Variants in RYR2 observed in about 807,000 individuals in gnomAD.
The protein encoded by RYR2 is ryanodine receptor 2, also known as cardiac muscle ryanodine receptor-calcium release channel.
In RYR2, 227 loss-of-function variants were observed where a neutral mutation model predicts 601.1. The ratio of observed to expected loss-of-function variants is 0.38; its 90% CI spans 0.34 to 0.42. RYR2 has a LOEUF of 0.42. Ranked by LOEUF, RYR2 falls within the 10% of genes least tolerant of loss-of-function variation. RYR2 has a pLI of 1.00. For missense variants in RYR2, 4,646 were observed against 6,156.5 expected, an observed-to-expected ratio of 0.75 and a Z score of 8.21; for synonymous variants, 2,223 against 2,175.1, an observed-to-expected ratio of 1.02 and a Z score of -0.61.
chr1:237,355,823 A>G, intron 3 of RYR2, 142 bp from the exon 4 acceptor site: 1 of 692,782 alleles, frequency 1.4e-6, no homozygotes, highest in South Asian at 1.8e-5. Flanking sequence ...GAAAAACTTG[A>G]ATACAATTTT....
chr1:237,509,848 C>T (rs751342184), intron 23 of RYR2, among the ~76,000 whole-genome samples: 11 of 152,078 alleles, frequency 7.2e-5, no homozygotes, highest in Non-Finnish European at 1.5e-4. Flanking sequence ...AAAGCATGAC[C>T]GTGTAGTAGG....
intron 78 of RYR2, 81 bp from the exon 79 acceptor site, chr1:237,733,624 G>A: frequency 2.3e-6 from 2 of 878,458 alleles, no homozygotes; most frequent in Non-Finnish European, 3.8e-6. Context: ...AAGAACAAAG[G>A]TTATTTTAAG....
intron 2 of RYR2, among the ~76,000 whole-genome samples, chr1:237,274,591 G>T (rs1413497946): frequency 5.9e-5 from 9 of 151,994 alleles, no homozygotes; most frequent in South Asian, 4.2e-4. Context: ...ATTGAACAAA[G>T]AAAATTTTAA....
chr1:237,645,766 C>T (rs749930217), intron 48 of RYR2, among the ~76,000 whole-genome samples: 8 of 151,866 alleles, frequency 5.3e-5, no homozygotes, highest in Non-Finnish European at 1.0e-4. Flanking sequence ...TTGTCTACAT[C>T]GGGAGTCACA....
At chr1:237,422,968 T>C (rs1370568928) in intron 11 of RYR2, 124 bp from the exon 12 acceptor site, 2 of 1,086,698 alleles carry the variant, frequency 1.8e-6, no homozygotes, top group African/African-American at 3.2e-5. Flanking sequence ...ATCACTAATA[T>C]CCTAAGTTTT....
At chr1:237,726,422 T>C (rs1690202737) in intron 75 of RYR2, 114 bp downstream of exon 75, 2 of 690,724 alleles carry the variant, frequency 2.9e-6, no homozygotes, top group East Asian at 5.6e-5. Flanking sequence ...CCAAACACTA[T>C]TAGTTATATA....
At chr1:237,633,223 A>G (rs1216969905) in intron 42 of RYR2, among the ~76,000 whole-genome samples, 1 of 152,214 alleles carries the variant, frequency 6.6e-6, no homozygotes, top group Non-Finnish European at 1.5e-5. Context: ...ATTATTATCC[A>G]TATTATTCTA....
chr1:237,342,561 A>G lies in RYR2; in HGVS notation c.273+11579A>G, dbSNP rs16835157. The stretch of plus-strand genomic sequence containing the variant: ...AAGGGCAAAGACCAGCAGGATCTAC[A>G]TAACTTGAGGATTACAGAGACCAGA... On this transcript the variant is annotated intron_variant, in intron 3 of 104. Transcript: ENST00000366574. 2.5e-3 allele frequency among the ~76,000 whole-genome samples: 386 copies of G among 152,266 alleles called. 4 individuals are homozygous for G. Among genetic ancestry groups the G allele is most frequent in the African/African-American group, 8.7e-3 (360 of 41,554 alleles).
At chr1:237,715,754 G>A (rs996374889) in intron 71 of RYR2, among the ~76,000 whole-genome samples, 4 of 151,984 alleles carry the variant, frequency 2.6e-5, no homozygotes, top group Admixed American at 6.6e-5. Context: ...TGGGGATGTC[G>A]CTTTGCTGAA....
At chr1:237,452,255 T>C (rs1331113466) in intron 14 of RYR2, among the ~76,000 whole-genome samples, 3 of 142,404 alleles carry the variant, frequency 2.1e-5, no homozygotes, top group Non-Finnish European at 4.5e-5. Context: ...ATGTATAGTA[T>C]AGTATATGTT....
intron 25 of RYR2, among the ~76,000 whole-genome samples, chr1:237,546,332 A>G (rs1032761562): frequency 1.3e-5 from 2 of 152,202 alleles, no homozygotes; most frequent in Non-Finnish European, 2.9e-5. Context: ...GCTTTTGTCT[A>G]CAGAAAAATT....
chr1:237,798,498 G>A (rs1659549434), intron 97 of RYR2, among the ~76,000 whole-genome samples: 1 of 151,990 alleles, frequency 6.6e-6, no homozygotes, highest in African/African-American at 2.4e-5. Flanking sequence ...ATATATGGCT[G>A]TTTTCTGGTA....
rs146301577 is a variant in RYR2 at position 237,333,298 on chromosome 1, G to A, written c.273+2316G>A. Among the ~76,000 whole-genome samples, 866 of 152,250 alleles carry A rather than the reference G, an allele frequency of 5.7e-3. 11 individuals are homozygous for A. The highest frequency in any genetic ancestry group is 0.02 in the African/African-American group (810 of 41,538). On this transcript the variant is annotated intron_variant, in intron 3 of 104. Transcript: ENST00000366574. ...ATGTCAAATAGCTCAACGGGGTACC[G>A]TATATTAGGGAAAAATGAAAGTTTC...
intron 63 of RYR2, among the ~76,000 whole-genome samples, chr1:237,692,834 C>T (rs1415199777): frequency 1.3e-5 from 2 of 152,136 alleles, no homozygotes; most frequent in African/African-American, 2.4e-5. Context: ...TCTCTGGTGC[C>T]GTGTACTTTT....
At chr1:237,502,034 T>C (rs1300343313) in intron 21 of RYR2, among the ~76,000 whole-genome samples, 1 of 152,136 alleles carries the variant, frequency 6.6e-6, no homozygotes, top group African/African-American at 2.4e-5. Context: ...TTTGTATGCC[T>C]GTAGTCTTAG....
chr1:237,722,869 G>A (rs1689865194), intron 73 of RYR2, among the ~76,000 whole-genome samples: 1 of 147,236 alleles, frequency 6.8e-6, no homozygotes. Context: ...CCTTTTGCCT[G>A]TATGTGCTAA....
At chr1:237,443,085 C>T (rs1183858986) in intron 13 of RYR2, among the ~76,000 whole-genome samples, 1 of 152,094 alleles carries the variant, frequency 6.6e-6, no homozygotes, top group Non-Finnish European at 1.5e-5. Flanking sequence ...AGTGTTCTCC[C>T]TGACCTTTTC....
chr1:237,690,129 G>A (rs1686810818), intron 63 of RYR2, among the ~76,000 whole-genome samples: 2 of 152,148 alleles, frequency 1.3e-5, no homozygotes, highest in Non-Finnish European at 2.9e-5. Context: ...GAGCCACCGT[G>A]CCTGGCCAAA....
intron 1 of RYR2, among the ~76,000 whole-genome samples, chr1:237,201,270 T>C (rs920247727): frequency 2.6e-5 from 4 of 152,220 alleles, no homozygotes; most frequent in Non-Finnish European, 5.9e-5. Flanking sequence ...TAGTGTCACA[T>C]TGAGGTCCTG....
Sources: gnomAD v4.1 joint callset for allele counts (sites outside exome capture counted in the v4.1 genomes callset) on GRCh38, gnomAD v4.1.1 for gene constraint, MANE v1.5 for transcripts, NCBI Gene and HGNC (gene_info 2026-07-23, HGNC 2026-07-21) for gene names.